MAML1: variants seen among roughly 807,000 people sequenced by gnomAD.
The protein encoded by MAML1 is mastermind like transcriptional coactivator 1, also known as mastermind-like protein 1.
In MAML1, 14 loss-of-function variants were observed where a neutral mutation model predicts 77.1. The ratio of observed to expected loss-of-function variants is 0.18; its 90% confidence interval spans 0.12 to 0.28. MAML1 has a LOEUF of 0.28. Ranked by LOEUF, MAML1 falls within the 10% of genes least tolerant of loss-of-function variation. The pLI, the probability that MAML1 is intolerant of heterozygous loss-of-function variation, is 1.00. For synonymous variants in MAML1, 516 were observed against 551.9 expected, an observed-to-expected ratio of 0.93 and a Z score of 0.91; for missense variants, 1,217 against 1,327.8, an observed-to-expected ratio of 0.92 and a Z score of 1.30.
rs145206204 is a variant in MAML1, at chr5:179,774,667, A to G, written c.2841A>G (p.Ser947=). 23 of 1,610,352 alleles carry G rather than the reference A, an allele frequency of 1.4e-5. No homozygotes were observed. Among genetic ancestry groups the G allele is most frequent in the Non-Finnish European group, 1.8e-5 (21 of 1,179,432 alleles). ...GGGCCTTCAGCCAGAGCCCTGCCTC[A>G]CAGATGGGCGGTCGGGCGGGGCTGC... ...ELGAFSQSPA[S]QMGGRAGLHC... is the part of the protein sequence containing the mutation. The change falls in exon 5 of 5, where the codon TCA becomes TCG. Residue 947 remains serine (S), a synonymous_variant. Transcript: ENST00000292599.
intron 1 of MAML1, among the ~76,000 whole-genome samples, chr5:179,759,768 T>G (rs769989131): frequency 9.9e-5 from 15 of 152,220 alleles, no homozygotes; most frequent in Non-Finnish European, 1.8e-4. Context: ...GGAGTCCCAG[T>G]GAGCCACGCT....
At chr5:179,759,168 T>C (rs1304721067) in intron 1 of MAML1, among the ~76,000 whole-genome samples, 1 of 152,194 alleles carries the variant, frequency 6.6e-6, no homozygotes, top group African/African-American at 2.4e-5. Flanking sequence ...GTGTTTGACA[T>C]GCAAGCTTCT....
Position 179,766,391 on chromosome 5 carries a change from A to G in MAML1, c.1381A>G (p.Asn461Asp). The change falls in exon 2 of 5, where the codon AAC becomes GAC. Residue 461 changes from asparagine (N) to aspartate (D), a missense_variant. Physicochemically the swap from Asn to Asp is conservative, Grantham distance 23. This residue lies in a region of MAML1 where 884 missense variants were observed against 949.3 expected (regional missense o/e 0.93). Coordinates refer to ENST00000292599, the MANE Select transcript of MAML1 (RefSeq NM_014757.5). This position sits in a 1 kb window ranked among gnomAD's most constrained non-coding sequence, Gnocchi z 4.0. ...SPSSYKQDFT[N>D]SKLLMMPSVN... ...TTCCAGCTACAAGCAAGACTTCACT[A>G]ACTCCAAACTGCTCATGATGCCTAG... 6.2e-7 allele frequency: 1 copy of G among 1,610,654 alleles called. No individual in the cohort carries two copies.
intron 1 of MAML1, among the ~76,000 whole-genome samples, chr5:179,748,507 A>G (rs1370075244): frequency 6.6e-6 from 1 of 152,222 alleles, no homozygotes. Context: ...TGTTCTAACA[A>G]TATTATAAGA....
In MAML1 at chr5:179,774,788, G is replaced by A. The variant is rs1317900634; in HGVS notation, c.2962G>A (p.Gly988Arg). The A allele has an allele frequency of 3.1e-6, 5 of 1,613,852 alleles. No homozygotes were observed. In the South Asian group the frequency reaches 4.4e-5, roughly 14 times the overall value. ...TGGCAGTGGGCTCTCTAGTGTGGCT[G>A]GACACACCGATCTGATCGACTCCCT... is the stretch of plus-strand genomic sequence containing the variant. ...PGGSGLSSVA[G>R]HTDLIDSLLK... Residue 988 changes from glycine (G) to arginine (R), a missense_variant, in exon 5 of 5, where the codon GGA becomes AGA. Physicochemically the swap from Gly to Arg is moderately radical, Grantham distance 125. This residue lies in a region of MAML1 where 884 missense variants were observed against 949.3 expected (regional missense o/e 0.93). Transcript: ENST00000292599.
At chr5:179,770,566 AC>A (rs1325346877) in intron 3 of MAML1, among the ~76,000 whole-genome samples, 1 of 152,232 alleles carries the variant, frequency 6.6e-6, no homozygotes, top group Non-Finnish European at 1.5e-5. Context: ...TGGACATGTT[AC>A]ATTTTATTCA....
chr5:179,752,343 A>T (rs1562558199), intron 1 of MAML1, among the ~76,000 whole-genome samples: 1 of 106,962 alleles, frequency 9.3e-6, no homozygotes, highest in Non-Finnish European at 1.8e-5. Flanking sequence ...AAAAAAAAAA[A>T]AAAAAAAATA....
chr5:179,733,446 G>A lies in MAML1; in HGVS notation c.315+19G>A. On this transcript the variant is annotated intron_variant, in intron 1 of 4. Coordinates refer to ENST00000292599, the MANE Select transcript of MAML1 (RefSeq NM_014757.5). Reference sequence around the variant, plus strand: ...GGCCACGGTGAGTAGGGCGCGGGAAGGCGCTTGTCGTGGCGGCAGCCCCCT... The same window carrying A: ...GGCCACGGTGAGTAGGGCGCGGGAAAGCGCTTGTCGTGGCGGCAGCCCCCT... 9.2e-7 allele frequency: 1 copy of A among 1,090,864 alleles called. No individual in the cohort carries two copies. Among genetic ancestry groups the A allele is most frequent in the Non-Finnish European group, 1.1e-6 (1 of 899,672 alleles). The allele number at this position is 1,090,864 out of a possible 1,614,324, so 67.6% of individuals were successfully genotyped here.
intron 1 of MAML1, among the ~76,000 whole-genome samples, chr5:179,747,727 G>A (rs768214164): frequency 2.2e-5 from 3 of 138,920 alleles, no homozygotes; most frequent in South Asian, 2.3e-4. Flanking sequence ...GGAGAATGGC[G>A]TGAACCCCGG....
At chr5:179,765,286 T>G in intron 1 of MAML1, 40 bp from the exon 2 acceptor site, 1 of 1,520,272 alleles carries the variant, frequency 6.6e-7, no homozygotes, top group Non-Finnish European at 8.9e-7. Context: ...GCAGAGCAAA[T>G]TCATATGTAT....
At position 179,750,039 on chromosome 5, in the gene MAML1, C is replaced by T. The variant is rs555750746; in HGVS notation, c.316-15287C>T. Among the ~76,000 whole-genome samples the T allele has an allele frequency of 5.9e-5, 9 of 152,352 alleles. No homozygotes were observed. In the East Asian group the frequency reaches 1.5e-3, roughly 26 times the overall value. ...TCAGATCACAACCTGGAGATTGATG[C>T]GCTCACCTCCTGGAGCCTCCATCCA... On this transcript the variant is annotated intron_variant, in intron 1 of 4. Transcript: ENST00000292599.
At chr5:179,754,454 TATG>T (rs1168163064) in intron 1 of MAML1, among the ~76,000 whole-genome samples, 1 of 151,690 alleles carries the variant, frequency 6.6e-6, no homozygotes, top group African/African-American at 2.4e-5. Flanking sequence ...ATTAGCTGAG[TATG>T]GTGGCGCATG....
chr5:179,746,360 A>T (rs1779383542), intron 1 of MAML1, among the ~76,000 whole-genome samples: 1 of 152,004 alleles, frequency 6.6e-6, no homozygotes, highest in Admixed American at 6.6e-5. Context: ...AAAAGGGAAT[A>T]AGTTTAGTTA....
chr5:179,766,844 G>A lies in MAML1; in HGVS notation c.1731+103G>A. The A allele has an allele frequency of 9.6e-6, 9 of 935,804 alleles. No individual in the cohort carries two copies. Among genetic ancestry groups the A allele is most frequent in the Non-Finnish European group, 1.4e-5 (9 of 650,272 alleles). 58.0% of individuals were successfully genotyped at this position (935,804 alleles called of 1,614,324 possible). On this transcript the variant is annotated intron_variant, in intron 2 of 4. Transcript: ENST00000292599. This position sits in a 1 kb window ranked among gnomAD's most constrained non-coding sequence, Gnocchi z 4.0. ...GGATCCGAGGTAGTTGTGGGAAGAGGGAGGAGGGAATAGCTGCTGTCATCC... is the reference window on the plus strand; with the variant it reads ...GGATCCGAGGTAGTTGTGGGAAGAGAGAGGAGGGAATAGCTGCTGTCATCC...
At chr5:179,753,292 A>G (rs954874674) in intron 1 of MAML1, among the ~76,000 whole-genome samples, 5 of 151,906 alleles carry the variant, frequency 3.3e-5, no homozygotes, top group Admixed American at 1.3e-4. Context: ...GCCTCTGGCA[A>G]TCTGCCTTCT....
Position 179,775,763 on chromosome 5 carries a change from A to G in MAML1, c.*886A>G, listed in dbSNP as rs1756124236. The G allele has an allele frequency of 1.0e-6, 1 of 985,486 alleles. No homozygotes were observed. Among genetic ancestry groups the G allele is most frequent in the Middle Eastern group, 5.2e-4 (1 of 1,914 alleles). 61.0% of individuals were successfully genotyped at this position (985,486 alleles called of 1,614,324 possible). A position where few individuals can be genotyped will look rare whatever the true frequency, so the allele number is the denominator to read the frequency against. On this transcript the variant is annotated 3_prime_UTR_variant, in exon 5 of 5. Transcript: ENST00000292599. ...TGTTGCCCATGGTGGGAGCGTGGTCACTGTGCAGTTGTGCACAGATGTCTT... is the reference window on the plus strand; with the variant it reads ...TGTTGCCCATGGTGGGAGCGTGGTCGCTGTGCAGTTGTGCACAGATGTCTT...
rs1453593467 is a variant in MAML1, at chr5:179,732,828, C to G, written c.-285C>G. On this transcript the variant is annotated 5_prime_UTR_variant, in exon 1 of 5. Transcript: ENST00000292599. ...CGAGGCCCCGCCTTCTTCCGAGAGG[C>G]CCGAAAACAATTTTAAGATGGCGGC... 1.7e-4 allele frequency: 35 copies of G among 205,600 alleles called. No individual in the cohort carries two copies. Among genetic ancestry groups the G allele is most frequent in the Non-Finnish European group, 1.9e-5 (2 of 103,398 alleles). The allele number at this position is 205,600 out of a possible 1,614,324, so 12.7% of individuals were successfully genotyped here.
Position 179,774,903 on chromosome 5 carries a change from G to T in MAML1, c.*26G>T. 6.4e-7 allele frequency: 1 copy of T among 1,557,182 alleles called. No individual in the cohort carries two copies. ...TGGAAGGATTTGTAGTGTTTTTAGTGTTCATTCATCCTATATTTTTATTCT... is the reference window on the plus strand; with the variant it reads ...TGGAAGGATTTGTAGTGTTTTTAGTTTTCATTCATCCTATATTTTTATTCT... On this transcript the variant is annotated 3_prime_UTR_variant, in exon 5 of 5. Transcript: ENST00000292599.
intron 1 of MAML1, among the ~76,000 whole-genome samples, chr5:179,761,129 C>G (rs566212597): frequency 2.1e-3 from 322 of 151,784 alleles, no homozygotes; most frequent in Middle Eastern, 6.8e-3. Context: ...TGCAATGGCT[C>G]ACACCTGTAA....
Sources: allele counts gnomAD v4.1 joint callset (sites outside exome capture counted in the v4.1 genomes callset), GRCh38; gene constraint gnomAD v4.1.1; regional missense constraint gnomAD v4.1.1; non-coding constraint Gnocchi (gnomAD v3.1); transcripts MANE v1.5; gene names NCBI Gene and HGNC (gene_info 2026-07-23, HGNC 2026-07-21).